The following KCNQ5 variants were observed in gnomAD, a reference collection of about 807,000 sequenced individuals.
The protein encoded by KCNQ5 is potassium voltage-gated channel subfamily Q member 5.
Under a neutral mutation model 98.2 loss-of-function variants are expected in KCNQ5, and 30 were observed. The observed-to-expected ratio is 0.31, with a 90% CI of 0.23 to 0.41. KCNQ5 has a LOEUF of 0.41. Ranked by LOEUF, KCNQ5 falls within the 10% of genes least tolerant of loss-of-function variation. KCNQ5 has a pLI of 1.00. For synonymous variants in KCNQ5, 458 were observed against 449.4 expected, an observed-to-expected ratio of 1.02 and a Z score of -0.24; for missense variants, 835 against 1,182.5, an observed-to-expected ratio of 0.71 and a Z score of 4.31.
intron 1 of KCNQ5, among the ~76,000 whole-genome samples, chr6:72,909,524 A>G (rs1025232966): frequency 4.6e-5 from 7 of 152,178 alleles, no homozygotes; most frequent in African/African-American, 1.7e-4. Context: ...TAATGTTTGT[A>G]GTGGTTTAGG....
At chr6:72,869,277 CAA>C (rs1251867906) in intron 1 of KCNQ5, among the ~76,000 whole-genome samples, 2 of 152,184 alleles carry the variant, frequency 1.3e-5, no homozygotes, top group African/African-American at 4.8e-5. Flanking sequence ...CCCCAGTTGT[CAA>C]ACCGGAATTC....
At chr6:73,133,729 T>A in intron 10 of KCNQ5, 88 bp downstream of exon 10, 1 of 1,160,160 alleles carries the variant, frequency 8.6e-7, no homozygotes. Context: ...TAGTGCCACT[T>A]GAAGAAAGAA....
At chr6:72,698,422 C>T (rs1415741771) in intron 1 of KCNQ5, among the ~76,000 whole-genome samples, 5 of 151,956 alleles carry the variant, frequency 3.3e-5, no homozygotes, top group African/African-American at 4.8e-5. Flanking sequence ...AGGCTGGTCT[C>T]GAACTCCCAA....
chr6:73,053,176 C>T (rs1379750552), intron 3 of KCNQ5, among the ~76,000 whole-genome samples: 1 of 152,136 alleles, frequency 6.6e-6, no homozygotes, highest in Non-Finnish European at 1.5e-5. Flanking sequence ...GTAAAGGGTT[C>T]ACCTCAAAAG....
intron 1 of KCNQ5, among the ~76,000 whole-genome samples, chr6:72,683,907 C>G (rs1209702850): frequency 6.6e-6 from 1 of 151,984 alleles, no homozygotes; most frequent in East Asian, 1.9e-4. Flanking sequence ...TTTATGTTTT[C>G]ACATCATTTT....
chr6:72,848,026 A>T (rs1444537361), intron 1 of KCNQ5, among the ~76,000 whole-genome samples: 1 of 151,830 alleles, frequency 6.6e-6, no homozygotes, highest in East Asian at 1.9e-4. Context: ...TAAAAAAAAA[A>T]ACTCCCAATG....
chr6:72,739,026 A>T (rs960110080), intron 1 of KCNQ5, among the ~76,000 whole-genome samples: 1 of 152,126 alleles, frequency 6.6e-6, no homozygotes, highest in African/African-American at 2.4e-5. Context: ...CCAAGATTGA[A>T]CCCTAATGTA....
chr6:72,961,621 CAAAAAAAAAA>C (rs56813781), intron 1 of KCNQ5, among the ~76,000 whole-genome samples: 2 of 68,680 alleles, frequency 2.9e-5, no homozygotes, highest in Admixed American at 1.8e-4. Flanking sequence ...GACTCCGTCT[CAAAAAAAAAA>C]AAAAAAAAAA....
intron 1 of KCNQ5, among the ~76,000 whole-genome samples, chr6:72,662,152 C>T (rs1026565026): frequency 6.6e-6 from 1 of 152,128 alleles, no homozygotes; most frequent in Non-Finnish European, 1.5e-5. Context: ...TACTTCTTTT[C>T]CTCTCAGCAC....
chr6:72,820,104 C>T (rs1366527001), intron 1 of KCNQ5, among the ~76,000 whole-genome samples: 1 of 152,190 alleles, frequency 6.6e-6, no homozygotes, highest in East Asian at 1.9e-4. Flanking sequence ...AGGACAGATG[C>T]TTCCACTCTG....
At chr6:73,088,468 A>G (rs188832147) in intron 5 of KCNQ5, among the ~76,000 whole-genome samples, 191 of 152,240 alleles carry the variant, frequency 1.3e-3, no homozygotes, top group African/African-American at 3.9e-3. Flanking sequence ...ATCCAAAGAC[A>G]TTCTTCTCTG....
intron 2 of KCNQ5, among the ~76,000 whole-genome samples, chr6:73,010,600 A>G (rs570205875): frequency 1.8e-4 from 28 of 151,820 alleles, no homozygotes; most frequent in African/African-American, 6.0e-4. Flanking sequence ...ATCCCTGTAT[A>G]CAGATGATGT....
intron 3 of KCNQ5, among the ~76,000 whole-genome samples, chr6:73,075,779 C>A (rs1291786959): frequency 6.6e-6 from 1 of 152,110 alleles, no homozygotes; most frequent in African/African-American, 2.4e-5. Context: ...ACCGGTGGCT[C>A]ACACCTGTAA....
At chr6:72,802,396 T>G (rs1295242244) in intron 1 of KCNQ5, among the ~76,000 whole-genome samples, 1 of 152,108 alleles carries the variant, frequency 6.6e-6, no homozygotes, top group Non-Finnish European at 1.5e-5. Flanking sequence ...ATCACTGACC[T>G]CTCATTCTTT....
chr6:72,785,139 A>G (rs1387274305), intron 1 of KCNQ5, among the ~76,000 whole-genome samples: 2 of 152,154 alleles, frequency 1.3e-5, no homozygotes, highest in African/African-American at 2.4e-5. Context: ...TTCTTCTCTT[A>G]TATCGTTGAA....
chr6:72,690,202 C>T (rs1477261247), intron 1 of KCNQ5, among the ~76,000 whole-genome samples: 2 of 151,810 alleles, frequency 1.3e-5, no homozygotes, highest in Admixed American at 6.6e-5. Context: ...AACCCAGAAG[C>T]CAGAGGTTGC....
At chr6:72,789,011 G>A (rs1040971531) in intron 1 of KCNQ5, among the ~76,000 whole-genome samples, 3 of 152,168 alleles carry the variant, frequency 2.0e-5, no homozygotes, top group Non-Finnish European at 4.4e-5. Context: ...AAATACCAAT[G>A]CCAAGCCCCA....
chr6:72,830,925 T>C (rs1052721169), intron 1 of KCNQ5, among the ~76,000 whole-genome samples: 5 of 152,062 alleles, frequency 3.3e-5, no homozygotes, highest in Non-Finnish European at 5.9e-5. Context: ...GCAAAAGATA[T>C]GAACAGACAT....
chr6:73,088,620 C>G (rs1220695996), intron 5 of KCNQ5, among the ~76,000 whole-genome samples: 1 of 152,116 alleles, frequency 6.6e-6, no homozygotes, highest in African/African-American at 2.4e-5. Context: ...AATCTCACGC[C>G]AAACCAAATT....
Sources: allele counts gnomAD v4.1 joint callset (sites outside exome capture counted in the v4.1 genomes callset), GRCh38; gene constraint gnomAD v4.1.1; transcripts MANE v1.5; gene names NCBI Gene and HGNC (gene_info 2026-07-23, HGNC 2026-07-21).